Variants in FAM135B observed in about 807,000 individuals in gnomAD.
FAM135B encodes protein FAM135B.
FAM135B carries 43 observed loss-of-function variants against 127.7 expected under a neutral mutation model. The ratio of observed to expected loss-of-function variants is 0.34; its 90% confidence interval spans 0.26 to 0.43. The LOEUF (loss-of-function observed/expected upper bound fraction) is 0.43. Ranked by LOEUF, FAM135B falls within the 20% of genes least tolerant of loss-of-function variation. The pLI is 1.00. For missense variants in FAM135B, 1,558 were observed against 1,725.6 expected (o/e 0.90, Z 1.72); for synonymous variants, 670 against 665.1 (o/e 1.01, Z -0.11).
chr8:138,390,359 G>A (rs1469947975), intron 1 of FAM135B, among the ~76,000 whole-genome samples: 1 of 152,084 alleles, frequency 6.6e-6, no homozygotes, highest in Non-Finnish European at 1.5e-5. Context: ...TTTATAAGGG[G>A]AAACCCCTTT....
In FAM135B at chr8:138,141,304, G is replaced by A. The variant is rs2130597512; in HGVS notation, c.3684C>T (p.Leu1228=). The change falls in exon 17 of 20, where the codon CTC becomes CTT. Residue 1228 remains leucine, a synonymous_variant. Coordinates refer to ENST00000395297, the MANE Select transcript of FAM135B (RefSeq NM_015912.4). The surrounding 1 kb of genome is among the most constrained non-coding windows in gnomAD (Gnocchi z 4.7). The part of the protein sequence containing the change: ...SLGNIIIRSV[L]TRPRFRYYLN... ...GGTAATACCGGAACCGGGGCCGTGT[G>A]AGGACCGATCGGATGATGATGTTGC... 2 of 1,614,170 alleles carry A rather than the reference G, an allele frequency of 1.2e-6. No homozygotes were observed. Among genetic ancestry groups the A allele is most frequent in the Non-Finnish European group, 1.7e-6 (2 of 1,180,028 alleles).
Position 138,367,824 on chromosome 8 carries a change from C to T in FAM135B, c.77+83G>A, listed in dbSNP as rs768849844. On this transcript the variant is annotated intron_variant, in intron 2 of 19. Coordinates refer to ENST00000395297, the MANE Select transcript of FAM135B (RefSeq NM_015912.4). ...TCCCAAATTTCCTATAATCTGACTT[C>T]CCCACCTCCACCTTCTTCCACGGAA... The T allele has an allele frequency of 3.2e-4, 338 of 1,055,432 alleles. 1 individual carries two copies. Among genetic ancestry groups the T allele is most frequent in the Non-Finnish European group, 4.5e-4 (314 of 700,062 alleles). 65.4% of individuals were successfully genotyped at this position (1,055,432 alleles called of 1,614,324 possible).
intron 1 of FAM135B, among the ~76,000 whole-genome samples, chr8:138,474,187 G>A (rs1044701033): frequency 6.6e-6 from 1 of 152,108 alleles, no homozygotes; most frequent in Non-Finnish European, 1.5e-5. Flanking sequence ...ATACACAGTC[G>A]GGAGTGTCGC....
intron 7 of FAM135B, among the ~76,000 whole-genome samples, chr8:138,225,528 G>T (rs1395508091): frequency 6.6e-6 from 1 of 152,050 alleles, no homozygotes; most frequent in African/African-American, 2.4e-5. Context: ...ATTCTCAGGT[G>T]CTGTGTAGGT....
At chr8:138,372,040 G>A (rs372389574) in intron 1 of FAM135B, among the ~76,000 whole-genome samples, 28 of 152,366 alleles carry the variant, frequency 1.8e-4, no homozygotes, top group African/African-American at 6.5e-4. Flanking sequence ...AGGAAGAGGG[G>A]GGACCTGGGT....
chr8:138,254,447 T>C (rs147022122), intron 5 of FAM135B, among the ~76,000 whole-genome samples: 83 of 152,160 alleles, frequency 5.5e-4, no homozygotes, highest in African/African-American at 1.8e-3. Context: ...TATGAATGAA[T>C]GTCTTGGAAG....
In FAM135B at chr8:138,363,400, T is replaced by C. The variant is rs374797602; in HGVS notation, c.77+4507A>G. Among the ~76,000 whole-genome samples, 30 of 152,240 alleles carry C rather than the reference T, an allele frequency of 2.0e-4. No individual in the cohort carries two copies. The East Asian group carries it at 4.3e-3, about 22-fold the overall frequency. On this transcript the variant is annotated intron_variant, in intron 2 of 19. Transcript: ENST00000395297. ...TGTTGGGTTGGGGGAAGTTTCCAAG[T>C]CCTCAGAGCTCAAAAATGGCAGACC...
intron 7 of FAM135B, among the ~76,000 whole-genome samples, chr8:138,239,633 G>A (rs989758725): frequency 2.0e-4 from 30 of 152,302 alleles, no homozygotes; most frequent in African/African-American, 7.0e-4. Flanking sequence ...ATTTGACCCA[G>A]CCATCCCATT....
At chr8:138,375,240 A>C (rs1295563639) in intron 1 of FAM135B, among the ~76,000 whole-genome samples, 1 of 129,606 alleles carries the variant, frequency 7.7e-6, no homozygotes, top group Non-Finnish European at 1.6e-5. Context: ...TTCTGAGAAG[A>C]AATATGAGCT....
At chr8:138,155,933 G>C (rs939550642) in intron 12 of FAM135B, among the ~76,000 whole-genome samples, 1 of 152,146 alleles carries the variant, frequency 6.6e-6, no homozygotes, top group Non-Finnish European at 1.5e-5. Context: ...ACTCGGCTCT[G>C]CACCAAGCAG....
intron 3 of FAM135B, among the ~76,000 whole-genome samples, chr8:138,268,583 C>T (rs1823127823): frequency 6.6e-6 from 1 of 152,156 alleles, no homozygotes; most frequent in Non-Finnish European, 1.5e-5. Flanking sequence ...ACTGGGACAA[C>T]ACTCCCTGCT....
chr8:138,252,665 T>C (rs1282801141), intron 5 of FAM135B, among the ~76,000 whole-genome samples: 1 of 152,154 alleles, frequency 6.6e-6, no homozygotes, highest in African/African-American at 2.4e-5. Context: ...GGTGATAAAC[T>C]TGACTGCACT....
intron 1 of FAM135B, among the ~76,000 whole-genome samples, chr8:138,427,503 T>C (rs1474652543): frequency 6.6e-6 from 1 of 152,034 alleles, no homozygotes; most frequent in African/African-American, 2.4e-5. Flanking sequence ...ACAATAATTA[T>C]GATATCTACT....
intron 1 of FAM135B, among the ~76,000 whole-genome samples, chr8:138,416,491 C>A (rs916242557): frequency 9.2e-5 from 14 of 151,968 alleles, no homozygotes; most frequent in African/African-American, 3.4e-4. Context: ...CACTTTTTAT[C>A]TTGTGTTATC....
At chr8:138,491,390 G>T (rs894292237) in intron 1 of FAM135B, among the ~76,000 whole-genome samples, 1 of 152,268 alleles carries the variant, frequency 6.6e-6, no homozygotes, top group Admixed American at 6.5e-5. Flanking sequence ...CGTGTCCCAA[G>T]AAATGTTTCA....
chr8:138,251,155 T>G (rs1344188706), intron 5 of FAM135B, 141 bp from the exon 6 acceptor site: 21 of 987,142 alleles, frequency 2.1e-5, no homozygotes, highest in African/African-American at 3.2e-5. Context: ...CTCTGCCTGG[T>G]AGAAATCATT....
intron 5 of FAM135B, among the ~76,000 whole-genome samples, chr8:138,253,887 A>T (rs1162709912): frequency 6.6e-6 from 1 of 152,194 alleles, no homozygotes; most frequent in Non-Finnish European, 1.5e-5. Context: ...TGTCATCCTT[A>T]AACTCAATTT....
chr8:138,299,609 C>CA (rs1825732497), intron 3 of FAM135B, among the ~76,000 whole-genome samples: 3 of 149,194 alleles, frequency 2.0e-5, no homozygotes, highest in African/African-American at 7.4e-5. Flanking sequence ...ACACACACAC[C>CA]CACGATCCAA....
intron 12 of FAM135B, among the ~76,000 whole-genome samples, chr8:138,163,127 T>C (rs981312064): frequency 6.6e-6 from 1 of 152,254 alleles, no homozygotes; most frequent in Non-Finnish European, 1.5e-5. Flanking sequence ...AATGCCTTTA[T>C]GCCAGTTGCT....
Sources: gnomAD v4.1 joint callset for allele counts (sites outside exome capture counted in the v4.1 genomes callset) on GRCh38, gnomAD v4.1.1 for gene constraint, Gnocchi (gnomAD v3.1) non-coding constraint, MANE v1.5 for transcripts, NCBI Gene and HGNC (gene_info 2026-07-23, HGNC 2026-07-21) for gene names.